The following ARHGEF12 variants were observed in gnomAD, a reference collection of about 807,000 sequenced individuals.
ARHGEF12 encodes the protein KMT2A/ARHGEF12 fusion protein.
A neutral mutation model predicts 211.2 loss-of-function variants in ARHGEF12; 66 were observed. That is an observed-to-expected ratio of 0.31 (90% CI 0.26 to 0.38). The LOEUF (loss-of-function observed/expected upper bound fraction) is 0.38. Among genes scored for constraint, ARHGEF12 ranks in the 10% least tolerant of loss-of-function variants. ARHGEF12 has a pLI of 1.00. For synonymous variants in ARHGEF12, 592 were observed against 638.4 expected (o/e 0.93, Z 1.09); for missense variants, 1,429 against 1,869.5 (o/e 0.76, Z 4.34).
At chr11:120,424,515 A>T in intron 7 of ARHGEF12, 100 bp downstream of exon 7, 1 of 928,216 alleles carries the variant, frequency 1.1e-6, no homozygotes, top group Non-Finnish European at 1.7e-6. Flanking sequence ...TATTTAGGCT[A>T]TGTGGACTAT....
Position 120,484,436 on chromosome 11 carries a change from A to G in ARHGEF12, c.4555-2A>G. Reference sequence around the variant, plus strand: ...AAAAAACCTATGGGTTTTATTTCACAGAAGGTGGAGGAAAGTTACACCATT... The same window carrying G: ...AAAAAACCTATGGGTTTTATTTCACGGAAGGTGGAGGAAAGTTACACCATT... On this transcript the variant is annotated splice_acceptor_variant, in intron 39 of 40. Transcript: ENST00000397843. LOFTEE classifies it high-confidence loss of function. The G allele has an allele frequency of 6.2e-7, 1 of 1,613,582 alleles. No homozygotes were observed. Among genetic ancestry groups the G allele is most frequent in the Non-Finnish European group, 8.5e-7 (1 of 1,179,804 alleles).
intron 1 of ARHGEF12, chr11:120,365,877 C>T (rs530783481): frequency 7.9e-5 from 12 of 151,856 alleles, no homozygotes; most frequent in African/African-American, 2.9e-4. Context: ...CCTGTTAACA[C>T]TTCCAACACC....
At chr11:120,359,535 C>T (rs1209902109) in intron 1 of ARHGEF12, among the ~76,000 whole-genome samples, 1 of 152,204 alleles carries the variant, frequency 6.6e-6, no homozygotes, top group Non-Finnish European at 1.5e-5. Flanking sequence ...AGCCAAAGTG[C>T]CCAGCCTATT....
At chr11:120,446,198 AAAT>A (rs59459827) in intron 16 of ARHGEF12, among the ~76,000 whole-genome samples, 73,761 of 140,034 alleles carry the variant, frequency 0.53, 20,765 homozygotes, top group East Asian at 0.68. Flanking sequence ...ACTCCATCTC[AAAT>A]AATAATAATA....
Position 120,449,151 on chromosome 11 carries a change from C to T in ARHGEF12, c.1780C>T (p.Arg594Ter). Residue 594 changes from arginine (R) to a stop codon, truncating the protein, a stop_gained, in exon 21 of 41, where the codon CGA (arginine) becomes TGA (stop). Transcript: ENST00000397843. LOFTEE classifies it high-confidence loss of function. ...KDKEGEEKGKRRGFPSILGPP... is the reference protein window; with the variant it reads ...KDKEGEEKGK ...TAAAGAAGGGGAAGAAAAAGGGAAGCGAAGAGGATTCCCCAGCATCCTGGG... is the reference window on the plus strand; with the variant it reads ...TAAAGAAGGGGAAGAAAAAGGGAAGTGAAGAGGATTCCCCAGCATCCTGGG... 1 of 1,614,112 alleles carries T rather than the reference C, an allele frequency of 6.2e-7. No homozygotes were observed. The highest frequency in any genetic ancestry group is 8.5e-7 in the Non-Finnish European group (1 of 1,179,986).
intron 3 of ARHGEF12, chr11:120,408,947 G>A (rs181096410): frequency 6.5e-6 from 1 of 153,640 alleles, no homozygotes; most frequent in African/African-American, 2.4e-5. Flanking sequence ...ATTAGGTATT[G>A]TCTTGCCAAT....
intron 1 of ARHGEF12, among the ~76,000 whole-genome samples, chr11:120,394,025 GT>G (rs1212784449): frequency 3.3e-5 from 5 of 151,928 alleles, no homozygotes; most frequent in Non-Finnish European, 7.4e-5. Flanking sequence ...TCTCTGGAAA[GT>G]TTCCAAATAT....
chr11:120,475,608 T>A, intron 33 of ARHGEF12, 101 bp downstream of exon 33: 1 of 1,223,308 alleles, frequency 8.2e-7, no homozygotes, highest in Non-Finnish European at 1.1e-6. Context: ...AGAGTCTTGC[T>A]ATTTTTATAT....
intron 1 of ARHGEF12, among the ~76,000 whole-genome samples, chr11:120,359,519 G>A (rs1204332972): frequency 1.3e-5 from 2 of 152,222 alleles, no homozygotes; most frequent in Non-Finnish European, 2.9e-5. Context: ...TGGGATTACA[G>A]GCATAAGCCA....
At chr11:120,431,934 CT>C in intron 11 of ARHGEF12, 23 bp downstream of exon 11, 2 of 1,562,248 alleles carry the variant, frequency 1.3e-6, no homozygotes, top group South Asian at 1.2e-5. Context: ...TTTTCTAAAT[CT>C]TTTTTCTTCT....
In ARHGEF12 at chr11:120,486,025, AG is replaced by A; in HGVS notation, c.*950del. ...GTAAAACTGTCCCTGCAGATTGAGCAGGAAGTAAAAACAAATGGAAATGCTT... is the reference window on the plus strand; with the variant it reads ...GTAAAACTGTCCCTGCAGATTGAGCAGAAGTAAAAACAAATGGAAATGCTT... On this transcript the variant is annotated 3_prime_UTR_variant, in exon 41 of 41. Coordinates refer to ENST00000397843, the MANE Select transcript of ARHGEF12 (RefSeq NM_015313.3). 1 of 217,848 alleles carries A rather than the reference AG, an allele frequency of 4.6e-6. No homozygotes were observed. Among genetic ancestry groups the A allele is most frequent in the Non-Finnish European group, 9.2e-6 (1 of 108,186 alleles). 13.5% of individuals were successfully genotyped at this position (217,848 alleles called of 1,614,324 possible). A position where few individuals can be genotyped will look rare whatever the true frequency, so the allele number is the denominator to read the frequency against.
At chr11:120,393,614 A>G (rs545686389) in intron 1 of ARHGEF12, among the ~76,000 whole-genome samples, 33 of 152,338 alleles carry the variant, frequency 2.2e-4, no homozygotes, top group African/African-American at 7.9e-4. Context: ...GTCAATTTAA[A>G]AAGAAGACAT....
chr11:120,449,607 G>A (rs1946145217), intron 21 of ARHGEF12: 1 of 157,688 alleles, frequency 6.3e-6, no homozygotes, highest in African/African-American at 2.4e-5. Context: ...GCTGAGGTAG[G>A]AGAATTGCTT....
chr11:120,375,482 T>C (rs1241875644), intron 1 of ARHGEF12, among the ~76,000 whole-genome samples: 1 of 152,058 alleles, frequency 6.6e-6, no homozygotes, highest in Non-Finnish European at 1.5e-5. Context: ...CGTACAATTA[T>C]TTTCTTTGTT....
chr11:120,371,478 C>G (rs941439712), intron 1 of ARHGEF12, among the ~76,000 whole-genome samples: 6 of 152,220 alleles, frequency 3.9e-5, no homozygotes, highest in African/African-American at 1.4e-4. Context: ...CAAGAGCGAA[C>G]CTCCGTCTCA....
chr11:120,457,263 T>A lies in ARHGEF12; in HGVS notation c.2189+13T>A. 6.2e-7 allele frequency: 1 copy of A among 1,613,470 alleles called. No homozygotes were observed. Among genetic ancestry groups the A allele is most frequent in the South Asian group, 1.1e-5 (1 of 90,964 alleles). The stretch of plus-strand genomic sequence containing the variant: ...GTGAAGTAGAAAGGTAATTCAGTGA[T>A]CTCTTAGAGAAGCTTAGGGCATTAC... On this transcript the variant is annotated intron_variant, in intron 23 of 40. Coordinates refer to ENST00000397843, the MANE Select transcript of ARHGEF12 (RefSeq NM_015313.3).
intron 1 of ARHGEF12, among the ~76,000 whole-genome samples, chr11:120,403,518 G>GAA (rs71473104): frequency 7.3e-6 from 1 of 136,628 alleles, no homozygotes; most frequent in African/African-American, 2.7e-5. Flanking sequence ...AAAAGAAAAG[G>GAA]AAAAAAAAAA....
chr11:120,439,926 G>T (rs1428076965), intron 12 of ARHGEF12: 5 of 484,252 alleles, frequency 1.0e-5, no homozygotes, highest in East Asian at 3.4e-5. Context: ...ACTCGTTGTT[G>T]TGGTCTTTTT....
chr11:120,362,827 G>A (rs7924963), intron 1 of ARHGEF12, among the ~76,000 whole-genome samples: 63,057 of 151,998 alleles, frequency 0.41, 13,292 homozygotes, highest in South Asian at 0.47. Context: ...ACAGCCAGGC[G>A]CAGTGGCTCA....
Sources: gnomAD v4.1 joint callset for allele counts (sites outside exome capture counted in the v4.1 genomes callset) on GRCh38, gnomAD v4.1.1 for gene constraint, MANE v1.5 for transcripts, NCBI Gene and HGNC (gene_info 2026-07-23, HGNC 2026-07-21) for gene names.